Variants in PID1 observed in about 807,000 individuals in gnomAD.
PID1 encodes the protein PTB-containing, cubilin and LRP1-interacting protein.
Under a neutral mutation model 19.1 loss-of-function variants are expected in PID1, and 10 were observed. That is an observed-to-expected ratio of 0.52 (90% CI 0.32 to 0.89). PID1 has a LOEUF of 0.89. PID1 is among the 40% of genes least tolerant of loss of function. The pLI is 0.03. For synonymous variants in PID1, 130 were observed against 116.0 expected (o/e 1.12, Z -0.78); for missense variants, 248 against 285.3 (o/e 0.87, Z 0.94).
At chr2:229,103,571 A>ATTCT (rs748031588) in intron 2 of PID1, among the ~76,000 whole-genome samples, 11 of 76,236 alleles carry the variant, frequency 1.4e-4, no homozygotes, top group Non-Finnish European at 2.2e-4. Context: ...ATATGCTGGA[A>ATTCT]TTTTTTTTTT....
intron 1 of PID1, among the ~76,000 whole-genome samples, chr2:229,198,712 TTACC>T (rs1474057978): frequency 6.6e-6 from 1 of 152,088 alleles, no homozygotes; most frequent in Non-Finnish European, 1.5e-5. Context: ...AGTTTACACC[TTACC>T]TACTGATAAG....
intron 2 of PID1, among the ~76,000 whole-genome samples, chr2:229,030,948 T>C (rs1401934014): frequency 6.6e-6 from 1 of 152,094 alleles, no homozygotes; most frequent in Non-Finnish European, 1.5e-5. Flanking sequence ...CCGGGTGCAG[T>C]GGCTCACACC....
In PID1 at chr2:229,026,044, G is replaced by T; in HGVS notation, c.242C>A (p.Pro81Gln). ...GTGCTTCTTCCAGAGCTCAATGACT[G>T]GCTTTTCTGTGCAGCCTGACAAAAA... ...MQFLSGCTEKPVIELWKKHTL... is the reference protein window; with the variant it reads ...MQFLSGCTEKQVIELWKKHTL... Residue 81 changes from proline to glutamine, a missense_variant, in exon 3 of 3, where the codon CCA becomes CAA. Transcript: ENST00000392055. The T allele has an allele frequency of 6.2e-7, 1 of 1,614,194 alleles. No individual in the cohort carries two copies. The highest frequency in any genetic ancestry group is 8.5e-7 in the Non-Finnish European group (1 of 1,180,034).
Position 229,268,461 on chromosome 2 carries a change from G to T in PID1, c.30+2553C>A, listed in dbSNP as rs889852284. ...GAACTATATCATCAAGAAAGGGTCT[G>T]GTTATTTTCTTCCATCCCCTCTTTT... On this transcript the variant is annotated intron_variant, in intron 1 of 2. Transcript: ENST00000392055. Among the ~76,000 whole-genome samples, 4 of 152,050 alleles carry T rather than the reference G, an allele frequency of 2.6e-5. 1 individual carries two copies. Among genetic ancestry groups the T allele is most frequent in the African/African-American group, 7.2e-5 (3 of 41,396 alleles).
At chr2:229,215,917 T>A (rs1430500773) in intron 1 of PID1, among the ~76,000 whole-genome samples, 1 of 152,200 alleles carries the variant, frequency 6.6e-6, no homozygotes, top group Non-Finnish European at 1.5e-5. Context: ...AAAGATACTT[T>A]AAAAATATAA....
chr2:229,072,351 G>A (rs1694473170), intron 2 of PID1, among the ~76,000 whole-genome samples: 1 of 152,168 alleles, frequency 6.6e-6, no homozygotes, highest in Non-Finnish European at 1.5e-5. Context: ...CACTTTGGGA[G>A]GCTGAGACAG....
At chr2:229,145,475 T>C (rs1690111421) in intron 2 of PID1, among the ~76,000 whole-genome samples, 1 of 152,030 alleles carries the variant, frequency 6.6e-6, no homozygotes, top group Admixed American at 6.6e-5. Context: ...ACCTTTTTTC[T>C]AGATAAATAA....
At chr2:229,223,031 T>C (rs759526699) in intron 1 of PID1, among the ~76,000 whole-genome samples, 9 of 152,158 alleles carry the variant, frequency 5.9e-5, no homozygotes, top group Non-Finnish European at 1.0e-4. Flanking sequence ...TGCAGTTAAC[T>C]TTTTCCTACA....
chr2:229,178,554 C>T (rs1260601076), intron 1 of PID1, among the ~76,000 whole-genome samples: 1 of 151,944 alleles, frequency 6.6e-6, no homozygotes, highest in East Asian at 1.9e-4. Context: ...TTCTCAGTGA[C>T]TCTAATCCTC....
intron 2 of PID1, among the ~76,000 whole-genome samples, chr2:229,059,467 T>C (rs1306868375): frequency 6.6e-6 from 1 of 152,180 alleles, no homozygotes; most frequent in Non-Finnish European, 1.5e-5. Flanking sequence ...GTCAGTGTCA[T>C]TATCAACTCC....
chr2:229,220,098 C>T (rs944287779), intron 1 of PID1, among the ~76,000 whole-genome samples: 2 of 151,682 alleles, frequency 1.3e-5, no homozygotes, highest in African/African-American at 4.8e-5. Context: ...CGGCTCACTG[C>T]AGTCTCGATC....
intron 2 of PID1, among the ~76,000 whole-genome samples, chr2:229,122,110 A>G (rs1695535050): frequency 6.6e-6 from 1 of 152,216 alleles, no homozygotes. Context: ...AATTAGTAAT[A>G]GCTTTTCTTA....
intron 1 of PID1, among the ~76,000 whole-genome samples, chr2:229,268,444 T>C (rs893327292): frequency 3.9e-5 from 6 of 152,176 alleles, no homozygotes; most frequent in Non-Finnish European, 1.5e-5. Context: ...ATGAACTATA[T>C]CATCAAGAAA....
At chr2:229,205,740 T>C (rs1330822824) in intron 1 of PID1, among the ~76,000 whole-genome samples, 2 of 152,150 alleles carry the variant, frequency 1.3e-5, no homozygotes, top group Non-Finnish European at 2.9e-5. Flanking sequence ...GCAAAAGGCC[T>C]GGCAAGAGTA....
intron 1 of PID1, among the ~76,000 whole-genome samples, chr2:229,181,651 C>T (rs1293222504): frequency 6.6e-6 from 1 of 152,276 alleles, no homozygotes; most frequent in Admixed American, 6.5e-5. Context: ...ACTACAATAT[C>T]CTTAGCATCT....
In PID1 at chr2:229,224,020, G is replaced by A. The variant is rs1018667348; in HGVS notation, c.30+46994C>T. On this transcript the variant is annotated intron_variant, in intron 1 of 2. Transcript: ENST00000392055. The stretch of plus-strand genomic sequence containing the variant: ...CATTATTTAGTTCCCATTTATAAGT[G>A]ATAACATGTGGTATTTGATTTTCTG... Among the ~76,000 whole-genome samples the A allele has an allele frequency of 4.6e-5, 7 of 152,032 alleles. No individual in the cohort carries two copies. In the South Asian group the frequency reaches 1.2e-3, roughly 27 times the overall value.
chr2:229,232,027 G>A (rs1237085157), intron 1 of PID1: 40 of 1,549,446 alleles, frequency 2.6e-5, no homozygotes, highest in Non-Finnish European at 3.3e-5. Flanking sequence ...TCCTCACACA[G>A]TGGAAGGCTA....
At chr2:229,133,036 T>C (rs1000037887) in intron 2 of PID1, among the ~76,000 whole-genome samples, 6 of 152,228 alleles carry the variant, frequency 3.9e-5, no homozygotes, top group South Asian at 2.1e-4. Context: ...ATTTTTAATC[T>C]TTCTGTGTTA....
intron 2 of PID1, among the ~76,000 whole-genome samples, chr2:229,146,288 G>A (rs894515922): frequency 3.3e-5 from 5 of 152,048 alleles, no homozygotes; most frequent in African/African-American, 1.2e-4. Context: ...GAGAACACAT[G>A]GACACAGGGA....
Sources: allele counts gnomAD v4.1 joint callset (sites outside exome capture counted in the v4.1 genomes callset), GRCh38; gene constraint gnomAD v4.1.1; transcripts MANE v1.5; gene names NCBI Gene and HGNC (gene_info 2026-07-23, HGNC 2026-07-21).